TDRD6: variants seen among roughly 807,000 people sequenced by gnomAD.
The protein encoded by TDRD6 is tudor domain-containing protein 6.
TDRD6 carries 186 observed loss-of-function variants against 157.5 expected under a neutral mutation model. The ratio of observed to expected loss-of-function variants is 1.18; its 90% CI spans 1.05 to 1.33. The LOEUF (loss-of-function observed/expected upper bound fraction) is 1.33, where lower values mean the gene tolerates loss of function less well. Among genes scored for constraint, TDRD6 ranks in the 40% most tolerant of loss-of-function variants. The probability of loss-of-function intolerance (pLI) is 0.00; values close to 1 mark genes in which losing one functional copy is unlikely to be tolerated. For missense variants in TDRD6, 3,066 were observed against 2,508.0 expected, an observed-to-expected ratio of 1.22 and a Z score of -4.75; for synonymous variants, 1,075 against 945.2, an observed-to-expected ratio of 1.14 and a Z score of -2.52.
chr6:46,695,785 G>C lies in TDRD6; in HGVS notation c.6047-36G>C, dbSNP rs761558078. On this transcript the variant is annotated intron_variant, in intron 1 of 3. Transcript: ENST00000316081. The stretch of plus-strand genomic sequence containing the variant: ...TGTATGTTACATTAAGGAATTAAGA[G>C]ATATGCATTGAGTCTTACTCAATTC... The C allele has an allele frequency of 1.6e-5, 25 of 1,596,560 alleles. No individual in the cohort carries two copies. In the Admixed American group the frequency reaches 4.4e-4, roughly 28 times the overall value.
the TDRD6 span, among the ~76,000 whole-genome samples, chr6:46,680,652 A>G: frequency 2.6e-5 from 4 of 152,284 alleles, no homozygotes; most frequent in Middle Eastern, 3.4e-3. Context: ...ACTAAAAATT[A>G]AAACCTTTAA....
Position 46,693,358 on chromosome 6 carries a change from G to A in TDRD6, c.5230G>A (p.Glu1744Lys). The change falls in exon 1 of 4, where the codon GAA (glutamate) becomes AAA (lysine). Residue 1744 changes from glutamate (E) to lysine (K), a missense_variant. Physicochemically the swap from Glu to Lys is moderately conservative, Grantham distance 56. Transcript: ENST00000316081. Reference sequence around the variant, plus strand: ...AGCTGTACAAAATAAAATATATATGGAACAACAGACAGATGAGCTTGCTGA... The same window carrying A: ...AGCTGTACAAAATAAAATATATATGAAACAACAGACAGATGAGCTTGCTGA... ...NKAVQNKIYM[E>K]QQTDELAEIT... is the part of the protein sequence containing the mutation. 6.2e-7 allele frequency: 1 copy of A among 1,608,482 alleles called. No homozygotes were observed. Among genetic ancestry groups the A allele is most frequent in the Non-Finnish European group, 8.5e-7 (1 of 1,178,616 alleles).
At position 46,689,480 on chromosome 6, in the gene TDRD6, C is replaced by A. The variant is rs746834847; in HGVS notation, c.1352C>A (p.Ala451Glu). 16 of 1,613,664 alleles carry A rather than the reference C, an allele frequency of 9.9e-6. No individual in the cohort carries two copies. The South Asian group carries it at 1.8e-4, about 18-fold the overall frequency. ...CLADRVLQSQ[A>E]TEEEEPETSQ... ...GCTGACCGAGTCCTTCAGAGCCAGG[C>A]AACAGAGGAGGAGGAACCAGAAACA... The change falls in exon 1 of 4, where the codon GCA becomes GAA. Residue 451 changes from alanine to glutamate, a missense_variant. Transcript: ENST00000316081.
rs1764307971 is a variant in TDRD6, at chr6:46,691,253, C to T, written c.3125C>T (p.Ala1042Val). Residue 1042 changes from alanine (A) to valine (V), a missense_variant, in exon 1 of 4, where the codon GCC becomes GTC. Ala to Val is a moderately conservative substitution (Grantham distance 64). Coordinates refer to ENST00000316081, the MANE Select transcript of TDRD6 (RefSeq NM_001010870.3). Reference protein sequence around the residue: ...SPLNPGTLCLAKYTDGNWYRG... With the variant: ...SPLNPGTLCLVKYTDGNWYRG... The stretch of plus-strand genomic sequence containing the variant: ...TTGAACCCTGGAACCTTGTGCCTTG[C>T]CAAGTATACTGATGGAAACTGGTAT... The T allele has an allele frequency of 1.2e-6, 2 of 1,613,872 alleles. No individual in the cohort carries two copies. Among genetic ancestry groups the T allele is most frequent in the African/African-American group, 2.7e-5 (2 of 74,904 alleles).
Position 46,693,875 on chromosome 6 carries a change from T to C in TDRD6, c.5747T>C (p.Leu1916Ser). 6.2e-7 allele frequency: 1 copy of C among 1,614,228 alleles called. No homozygotes were observed. Among genetic ancestry groups the C allele is most frequent in the Non-Finnish European group, 8.5e-7 (1 of 1,180,040 alleles). ...GAACTACCTACAGCCCAGCTGCCTTTAGATGACAAGATGGATCCTTTGTCT... is the reference window on the plus strand; with the variant it reads ...GAACTACCTACAGCCCAGCTGCCTTCAGATGACAAGATGGATCCTTTGTCT... The part of the protein sequence containing the change: ...ELELPTAQLP[L>S]DDKMDPLSLG... The change falls in exon 1 of 4, where the codon TTA (leucine) becomes TCA (serine). Residue 1916 changes from leucine to serine, a missense_variant. Transcript: ENST00000316081.
In TDRD6 at chr6:46,692,325, CAAAAT is replaced by C. The variant is rs764892438; in HGVS notation, c.4199_4203del (p.Lys1400ArgfsTer2). 8 of 1,614,128 alleles carry C rather than the reference CAAAAT, an allele frequency of 5.0e-6. No individual in the cohort carries two copies. Among genetic ancestry groups the C allele is most frequent in the Non-Finnish European group, 6.8e-6 (8 of 1,180,010 alleles). ...GCAATGTTTCTGTGGTTCATACTAACAAAATAGGTAGGCTTGACCTTGTTAATGCA... is the reference window on the plus strand; with the variant it reads ...GCAATGTTTCTGTGGTTCATACTAACAGGTAGGCTTGACCTTGTTAATGCA... On this transcript the variant is annotated frameshift_variant, in exon 1 of 4. Coordinates refer to ENST00000316081, the MANE Select transcript of TDRD6 (RefSeq NM_001010870.3). LOFTEE classifies it high-confidence loss of function.
In TDRD6 at chr6:46,690,375, T is replaced by TCGA; in HGVS notation, c.2248_2249insGAC (p.Phe749_Pro750insArg). On this transcript the variant is annotated inframe_insertion, in exon 1 of 4. Coordinates refer to ENST00000316081, the MANE Select transcript of TDRD6 (RefSeq NM_001010870.3). Reference sequence around the variant, plus strand: ...AAGTGAAAAGAGCATCTGTTTATTTTCCTCTTATGCAGAATTGCTTGGAAA... The same window carrying TCGA: ...AAGTGAAAAGAGCATCTGTTTATTTTCGACCTCTTATGCAGAATTGCTTGGAAA... 1 of 1,613,808 alleles carries TCGA rather than the reference T, an allele frequency of 6.2e-7. No homozygotes were observed. The highest frequency in any genetic ancestry group is 1.1e-5 in the South Asian group (1 of 91,084).
Position 46,702,886 on chromosome 6 carries a change from A to G in TDRD6, c.*999A>G, listed in dbSNP as rs867675617. The G allele has an allele frequency of 1.7e-4, 26 of 152,272 alleles. No individual in the cohort carries two copies. The highest frequency in any genetic ancestry group is 6.8e-3 in the Middle Eastern group (2 of 294). 9.4% of individuals were successfully genotyped at this position (152,272 alleles called of 1,614,324 possible). A position where few individuals can be genotyped will look rare whatever the true frequency, so the allele number is the denominator to read the frequency against. ...TCTTCATCTGTAAAGTGGTGATAAT[A>G]AAACCTTTCTTGCAGTGTTTTTTTA... On this transcript the variant is annotated 3_prime_UTR_variant, in exon 4 of 4. Coordinates refer to ENST00000316081, the MANE Select transcript of TDRD6 (RefSeq NM_001010870.3).
chr6:46,688,677 G>A lies in TDRD6; in HGVS notation c.549G>A (p.Glu183=), dbSNP rs1764195896. 2 of 1,600,164 alleles carry A rather than the reference G, an allele frequency of 1.2e-6. No homozygotes were observed. The highest frequency in any genetic ancestry group is 1.7e-5 in the Admixed American group (1 of 60,026). ...VLLLHRLVLL[E]VPDVFQQMRE... ...TGCTCCATCGCCTGGTCCTCCTGGA[G>A]GTGCCTGATGTGTTCCAACAGATGC... The change falls in exon 1 of 4, where the codon GAG becomes GAA. Residue 183 remains glutamate (E), a synonymous_variant. Coordinates refer to ENST00000316081, the MANE Select transcript of TDRD6 (RefSeq NM_001010870.3).
upstream of TDRD6, among the ~76,000 whole-genome samples, chr6:46,684,354 T>A (rs1208392003): frequency 7.1e-6 from 1 of 141,066 alleles, no homozygotes; most frequent in East Asian, 2.1e-4. Flanking sequence ...CACTAATTTA[T>A]AAGCACACAT....
In TDRD6 at chr6:46,687,905, G is replaced by A. The variant is rs544918982; in HGVS notation, c.-224G>A. ...AATGCGTGCCCGGAAGCGCGACCTC[G>A]GGCGGTTGGAGGGGCTACCGGGTCT... On this transcript the variant is annotated 5_prime_UTR_variant, in exon 1 of 4. Coordinates refer to ENST00000316081, the MANE Select transcript of TDRD6 (RefSeq NM_001010870.3). 1 of 595,498 alleles carries A rather than the reference G, an allele frequency of 1.7e-6. No homozygotes were observed. The highest frequency in any genetic ancestry group is 2.6e-6 in the Non-Finnish European group (1 of 378,012). 36.9% of individuals were successfully genotyped at this position (595,498 alleles called of 1,614,324 possible).
chr6:46,682,115 A>C, the TDRD6 span, among the ~76,000 whole-genome samples: 2 of 152,124 alleles, frequency 1.3e-5, no homozygotes, highest in African/African-American at 4.8e-5. Context: ...GTAGATGTGA[A>C]AAATATTAGC....
rs766304036 is a variant in TDRD6, at chr6:46,693,566, T to C, written c.5438T>C (p.Ile1813Thr). The C allele has an allele frequency of 1.3e-5, 21 of 1,614,028 alleles. No individual in the cohort carries two copies. Among genetic ancestry groups the C allele is most frequent in the Admixed American group, 6.7e-5 (4 of 60,000 alleles). ...GCAGAGTTTGATGATAAATACCTGA[T>C]TACAGGATTTAACACATTACTACCA... ...DKAEFDDKYLITGFNTLLPHA... is the reference protein window; with the variant it reads ...DKAEFDDKYLTTGFNTLLPHA... The change falls in exon 1 of 4, where the codon ATT (isoleucine) becomes ACT (threonine). Residue 1813 changes from isoleucine (I) to threonine (T), a missense_variant. By Grantham distance (89) the Ile-to-Thr change is moderately conservative. Transcript: ENST00000316081.
Position 46,689,494 on chromosome 6 carries a change from G to A in TDRD6, c.1366G>A (p.Glu456Lys), listed in dbSNP as rs898908603. 6.2e-7 allele frequency: 1 copy of A among 1,613,858 alleles called. No homozygotes were observed. The highest frequency in any genetic ancestry group is 1.1e-5 in the South Asian group (1 of 91,084). Residue 456 changes from glutamate (E) to lysine (K), a missense_variant, in exon 1 of 4, where the codon GAA (glutamate) becomes AAA (lysine). Coordinates refer to ENST00000316081, the MANE Select transcript of TDRD6 (RefSeq NM_001010870.3). The stretch of plus-strand genomic sequence containing the variant: ...TCAGAGCCAGGCAACAGAGGAGGAG[G>A]AACCAGAAACATCTCAGTCTCAGTC... ...VLQSQATEEEEPETSQSQSPA... is the reference protein window; with the variant it reads ...VLQSQATEEEKPETSQSQSPA...
chr6:46,694,113 C>G lies in TDRD6; in HGVS notation c.5985C>G (p.Phe1995Leu), dbSNP rs866129407. ...RDAISALMPL[F>L]SEEESSDGSK... is the part of the protein sequence containing the mutation. ...CCATTTCGGCATTGATGCCTTTGTT[C>G]TCTGAGGAAGAAAGCAGTGATGGAA... The change falls in exon 1 of 4, where the codon TTC (phenylalanine) becomes TTG (leucine). Residue 1995 changes from phenylalanine to leucine, a missense_variant. Phe to Leu is a conservative substitution (Grantham distance 22). Coordinates refer to ENST00000316081, the MANE Select transcript of TDRD6 (RefSeq NM_001010870.3). 3 of 1,604,070 alleles carry G rather than the reference C, an allele frequency of 1.9e-6. No homozygotes were observed. The South Asian group carries it at 3.4e-5, about 18-fold the overall frequency.
chr6:46,691,715 G>A lies in TDRD6; in HGVS notation c.3587G>A (p.Ser1196Asn). Residue 1196 changes from serine (S) to asparagine (N), a missense_variant, in exon 1 of 4, where the codon AGT becomes AAT. Transcript: ENST00000316081. ...AAGTTGCCATGTACAGAGTATTTAA[G>A]TAAATCAGTAGGGTACAAGTTACCT... ...NMKLPCTEYL[S>N]KSVGYKLPNK... 6.2e-7 allele frequency: 1 copy of A among 1,606,674 alleles called. No homozygotes were observed. The highest frequency in any genetic ancestry group is 8.5e-7 in the Non-Finnish European group (1 of 1,178,088).
chr6:46,691,418 G>A lies in TDRD6; in HGVS notation c.3290G>A (p.Arg1097Lys). The change falls in exon 1 of 4, where the codon AGA becomes AAA. Residue 1097 changes from arginine to lysine, a missense_variant. Coordinates refer to ENST00000316081, the MANE Select transcript of TDRD6 (RefSeq NM_001010870.3). ...DVLLLPMQAV[R>K]CSLSDIPDHI... ...TTACTTTTGCCCATGCAAGCTGTCA[G>A]ATGTTCATTATCTGATATTCCTGAT... 1 of 1,614,084 alleles carries A rather than the reference G, an allele frequency of 6.2e-7. No individual in the cohort carries two copies. Among genetic ancestry groups the A allele is most frequent in the African/African-American group, 1.3e-5 (1 of 75,044 alleles).
chr6:46,681,418 C>A, the TDRD6 span: 1 of 385,958 alleles, frequency 2.6e-6, no homozygotes, highest in Non-Finnish European at 5.5e-6. Flanking sequence ...ACTATTTGGC[C>A]TTCATTGATG....
intron 3 of TDRD6, chr6:46,701,205 T>G (rs897838863): frequency 5.7e-6 from 1 of 174,596 alleles, no homozygotes; most frequent in Non-Finnish European, 1.2e-5. Flanking sequence ...CCACTTTAGG[T>G]AAAAAAATTT....
Sources: gnomAD v4.1 joint callset for allele counts (sites outside exome capture counted in the v4.1 genomes callset) on GRCh38, gnomAD v4.1.1 for gene constraint, MANE v1.5 for transcripts, NCBI Gene and HGNC (gene_info 2026-07-23, HGNC 2026-07-21) for gene names.